Variants in ZFP1 observed in about 807,000 individuals in gnomAD.
The protein encoded by ZFP1 is zinc finger protein 1 homolog.
ZFP1 carries 32 observed loss-of-function variants against 38.5 expected under a neutral mutation model. The observed-to-expected ratio is 0.83, with a 90% confidence interval of 0.63 to 1.12. ZFP1 has a LOEUF of 1.12. ZFP1 is among the 50% of genes most tolerant of loss of function. ZFP1 has a pLI of 0.00. For missense variants in ZFP1, 616 were observed against 480.8 expected (o/e 1.28, Z -2.63); for synonymous variants, 245 against 168.8 (o/e 1.45, Z -3.50).
At chr16:75,163,916 T>TGTCA (rs2037923729) in intron 2 of ZFP1, among the ~76,000 whole-genome samples, 2 of 152,206 alleles carry the variant, frequency 1.3e-5, no homozygotes, top group South Asian at 4.1e-4. Flanking sequence ...GCACTGTTTA[T>TGTCA]GTCACCTCAC....
rs2038359338 is a variant in ZFP1, at chr16:75,170,348, T to TCTTA, written c.*17_*20dup. On this transcript the variant is annotated 3_prime_UTR_variant, in exon 4 of 4. Coordinates refer to ENST00000570010, the MANE Select transcript of ZFP1 (RefSeq NM_153688.4). ...GAGAAACCCTGAAACTCCAGCCAGG[T>TCTTA]CTTACTGTGGAAAACTCCTGCCAGA... The TCTTA allele has an allele frequency of 1.9e-6, 3 of 1,549,848 alleles. No individual in the cohort carries two copies. In the South Asian group the frequency reaches 3.7e-5, roughly 19 times the overall value.
upstream of ZFP1, among the ~76,000 whole-genome samples, chr16:75,144,601 A>G (rs1421414555): frequency 6.6e-6 from 1 of 152,140 alleles, no homozygotes; most frequent in Non-Finnish European, 1.5e-5. Flanking sequence ...TGATGTGTAC[A>G]CTCACATCAC....
Position 75,169,973 on chromosome 16 carries a change from G to T in ZFP1, c.863G>T (p.Arg288Ile), listed in dbSNP as rs1310652752. ...AQKFELTTHQ[R>I]IHTGERPYEC... Reference sequence around the variant, plus strand: ...AAGTTTGAACTCACCACACACCAGAGAATTCATACAGGAGAGCGACCCTAT... The same window carrying T: ...AAGTTTGAACTCACCACACACCAGATAATTCATACAGGAGAGCGACCCTAT... The change falls in exon 4 of 4, where the codon AGA becomes ATA. Residue 288 changes from arginine to isoleucine, a missense_variant. Arg to Ile is a moderately conservative substitution (Grantham distance 97). Coordinates refer to ENST00000570010, the MANE Select transcript of ZFP1 (RefSeq NM_153688.4). The T allele has an allele frequency of 2.5e-6, 4 of 1,614,180 alleles. No individual in the cohort carries two copies. Among genetic ancestry groups the T allele is most frequent in the Non-Finnish European group, 3.4e-6 (4 of 1,180,040 alleles).
intron 2 of ZFP1, among the ~76,000 whole-genome samples, chr16:75,161,757 A>AAAATATATATATATATATATATAT (rs1555523069): frequency 7.0e-5 from 1 of 14,294 alleles, no homozygotes; most frequent in African/African-American, 2.7e-4. Flanking sequence ...AGTTTTATGA[A>AAAATATATATATATATATATATAT]ATATATATAT....
chr16:75,155,393 C>G (rs542942893), intron 2 of ZFP1, among the ~76,000 whole-genome samples: 1 of 152,348 alleles, frequency 6.6e-6, no homozygotes, highest in South Asian at 2.1e-4. Flanking sequence ...ACCTCAGTCT[C>G]CTAAAGTGCT....
chr16:75,169,233 AT>A lies in ZFP1; in HGVS notation c.143-18del. On this transcript the variant is annotated intron_variant, in intron 3 of 3. Transcript: ENST00000570010. ...CGGAGGCATTGACAAGGTTCTTTTC[AT>A]TGTGCTCTCTATTCCTAGAAGTGTG... is the stretch of plus-strand genomic sequence containing the variant. 3.2e-6 allele frequency: 5 copies of A among 1,579,556 alleles called. No individual in the cohort carries two copies. The highest frequency in any genetic ancestry group is 4.3e-6 in the Non-Finnish European group (5 of 1,167,800).
the ZFP1 span, among the ~76,000 whole-genome samples, chr16:75,122,618 G>A: frequency 6.6e-6 from 1 of 152,204 alleles, no homozygotes; most frequent in East Asian, 1.9e-4. Context: ...TAATAAATAA[G>A]ACATTAATAT....
rs1228825815 is a variant in ZFP1 at position 75,166,642 on chromosome 16, A to G, written c.16-128A>G. On this transcript the variant is annotated intron_variant, in intron 2 of 3. Coordinates refer to ENST00000570010, the MANE Select transcript of ZFP1 (RefSeq NM_153688.4). ...AATATATTTTGGAAGACATGAACAA[A>G]AACAGTGAACAAGATGTATCGTTGG... The G allele has an allele frequency of 2.0e-6, 3 of 1,526,504 alleles. No individual in the cohort carries two copies. In the East Asian group the frequency reaches 7.0e-5, roughly 36 times the overall value. The allele number at this position is 1,526,504 out of a possible 1,614,324, so 94.6% of individuals were successfully genotyped here.
At chr16:75,144,661 C>G (rs562813577), upstream of ZFP1, among the ~76,000 whole-genome samples, 1 of 152,150 alleles carries the variant, frequency 6.6e-6, no homozygotes, top group African/African-American at 2.4e-5. Context: ...TTCTCATTAT[C>G]CCAAACAGAA....
At chr16:75,146,976 G>T (rs1218609741), upstream of ZFP1, among the ~76,000 whole-genome samples, 1 of 149,258 alleles carries the variant, frequency 6.7e-6, no homozygotes, top group African/African-American at 2.5e-5. Context: ...AGGGTAACTT[G>T]AGGGAAACAT....
chr16:75,169,503 T>C lies in ZFP1; in HGVS notation c.393T>C (p.Thr131=), dbSNP rs752247997. 9 of 1,613,152 alleles carry C rather than the reference T, an allele frequency of 5.6e-6. No homozygotes were observed. Among genetic ancestry groups the C allele is most frequent in the Non-Finnish European group, 7.6e-6 (9 of 1,179,872 alleles). The change falls in exon 4 of 4, where the codon ACT becomes ACC. Residue 131 remains threonine, a synonymous_variant. Coordinates refer to ENST00000570010, the MANE Select transcript of ZFP1 (RefSeq NM_153688.4). ...NSNRSYAGKQ[T]DECNEFGKAL... ...ATAGAAGCTATGCAGGAAAGCAGAC[T>C]GATGAGTGTAATGAATTTGGAAAAG...
At chr16:75,142,893 G>C in the ZFP1 span, among the ~76,000 whole-genome samples, 1 of 152,164 alleles carries the variant, frequency 6.6e-6, no homozygotes, top group South Asian at 2.1e-4. Flanking sequence ...GTAGAGATGA[G>C]GTTTCACCAT....
rs564033936 is a variant in ZFP1 at position 75,166,787 on chromosome 16, G to C, written c.33G>C (p.Thr11=). 7 of 1,613,980 alleles carry C rather than the reference G, an allele frequency of 4.3e-6. No homozygotes were observed. The highest frequency in any genetic ancestry group is 3.3e-5 in the Admixed American group (2 of 59,994). ...CATTTCAGGGATCAGTTTCATTCAC[G>C]GATGTGACTGTGGACTTTACCCAGG... The part of the protein sequence containing the change: MNKSQGSVSF[T]DVTVDFTQEE... The change falls in exon 3 of 4, where the codon ACG becomes ACC. Residue 11 remains threonine, a synonymous_variant. Transcript: ENST00000570010.
chr16:75,168,305 A>T lies in ZFP1; in HGVS notation c.143-948A>T, dbSNP rs1206332270. On this transcript the variant is annotated intron_variant, in intron 3 of 3. Transcript: ENST00000570010. Reference sequence around the variant, plus strand: ...CCAGTATCTGTTGTTTGACTTAATGAACCTGGGTAACTTTATCCTTAAGAT... The same window carrying T: ...CCAGTATCTGTTGTTTGACTTAATGTACCTGGGTAACTTTATCCTTAAGAT... 4.6e-5 allele frequency among the ~76,000 whole-genome samples: 7 copies of T among 152,164 alleles called. 1 individual carries two copies. Among genetic ancestry groups the T allele is most frequent in the South Asian group, 4.1e-4 (2 of 4,824 alleles).
At chr16:75,139,613 GGCC>G in the ZFP1 span, among the ~76,000 whole-genome samples, 1 of 152,024 alleles carries the variant, frequency 6.6e-6, no homozygotes, top group Non-Finnish European at 1.5e-5. Flanking sequence ...GATTGCTTGA[GGCC>G]AGGAGGTGGA....
rs528372224 is a variant in ZFP1, at chr16:75,162,598, T to G, written c.16-4172T>G. On this transcript the variant is annotated intron_variant, in intron 2 of 3. Transcript: ENST00000570010. ...ATAGATATTTTTATGATGGTGACGTTTGGGGTATGATTGATCATGTCACCA... is the reference window on the plus strand; with the variant it reads ...ATAGATATTTTTATGATGGTGACGTGTGGGGTATGATTGATCATGTCACCA... Among the ~76,000 whole-genome samples the G allele has an allele frequency of 2.4e-3, 372 of 152,322 alleles. 3 individuals are homozygous for G. Among genetic ancestry groups the G allele is most frequent in the African/African-American group, 8.4e-3 (351 of 41,560 alleles).
At chr16:75,152,829 G>T (rs11859007) in intron 1 of ZFP1, 80 bp from the exon 2 acceptor site, 40 of 1,367,076 alleles carry the variant, frequency 2.9e-5, no homozygotes, top group Non-Finnish European at 2.0e-6. Flanking sequence ...GTCTCTAGGG[G>T]TTTCTAAACA....
chr16:75,154,571 G>C (rs909653091), intron 2 of ZFP1, among the ~76,000 whole-genome samples: 1 of 116,234 alleles, frequency 8.6e-6, no homozygotes, highest in African/African-American at 3.0e-5. Context: ...CAATGAATGA[G>C]AGTTTTTTTT....
intron 2 of ZFP1, among the ~76,000 whole-genome samples, chr16:75,159,266 TCCTTCCCTCACTTCCCTTCCTTCCCTC>T (rs2037626833): frequency 6.9e-6 from 1 of 145,656 alleles, no homozygotes; most frequent in Non-Finnish European, 1.5e-5. Flanking sequence ...TCCTTTCCCT[TCCTTCCCTCACTTCCCTTCCTTCCCTC>T]CCTTCCCTCC....
Sources: gnomAD v4.1 joint callset for allele counts (sites outside exome capture counted in the v4.1 genomes callset) on GRCh38, gnomAD v4.1.1 for gene constraint, MANE v1.5 for transcripts, NCBI Gene and HGNC (gene_info 2026-07-23, HGNC 2026-07-21) for gene names.